Variants in RICTOR observed in about 807,000 individuals in gnomAD.
The protein encoded by RICTOR is RPTOR independent companion of MTOR complex 2.
A neutral mutation model predicts 214.9 loss-of-function variants in RICTOR; 49 were observed. The ratio of observed to expected loss-of-function variants is 0.23; its 90% CI spans 0.18 to 0.29. The LOEUF (loss-of-function observed/expected upper bound fraction) is 0.29, where lower values mean the gene tolerates loss of function less well. Ranked by LOEUF, RICTOR falls within the 10% of genes least tolerant of loss-of-function variation. RICTOR has a pLI of 1.00. For synonymous variants in RICTOR, 717 were observed against 711.3 expected, an observed-to-expected ratio of 1.01 and a Z score of -0.13; for missense variants, 1,625 against 2,047.0, an observed-to-expected ratio of 0.79 and a Z score of 3.98.
At chr5:39,028,428 C>T (rs1291259626) in intron 2 of RICTOR, among the ~76,000 whole-genome samples, 4 of 152,010 alleles carry the variant, frequency 2.6e-5, no homozygotes, top group South Asian at 2.1e-4. Context: ...GTGATCCGCC[C>T]GCCTCGGCCT....
rs1262068343 is a variant in RICTOR, at chr5:38,949,436, A to T, written c.4136+276T>A. The T allele has an allele frequency of 1.8e-5, 29 of 1,580,414 alleles. No homozygotes were observed. The Admixed American group carries it at 5.1e-4, about 28-fold the overall frequency. On this transcript the variant is annotated intron_variant, in intron 31 of 37. Coordinates refer to ENST00000357387, the MANE Select transcript of RICTOR (RefSeq NM_152756.5). ...TCTTTTTAAAATCGATCCTTGCAGA[A>T]GCGAGAAATAAATAAAAAAAAGCTT...
At chr5:38,962,220 T>C (rs1749856755) in intron 19 of RICTOR, 95 bp downstream of exon 19, 1 of 521,268 alleles carries the variant, frequency 1.9e-6, no homozygotes, top group South Asian at 3.6e-5. Flanking sequence ...AATGTATGTA[T>C]ATGTCTTTAA....
At chr5:39,049,981 C>T (rs1460765407) in intron 2 of RICTOR, among the ~76,000 whole-genome samples, 6 of 152,090 alleles carry the variant, frequency 3.9e-5, no homozygotes, top group Admixed American at 3.3e-4. Flanking sequence ...AACCCAAGGA[C>T]TGACACTTTT....
intron 2 of RICTOR, among the ~76,000 whole-genome samples, chr5:39,053,406 G>A (rs1757976804): frequency 2.0e-5 from 3 of 152,104 alleles, no homozygotes; most frequent in Admixed American, 1.3e-4. Flanking sequence ...GAGGAAAAGA[G>A]TCTAGTGATT....
At chr5:38,995,790 T>C (rs1177079050) in intron 6 of RICTOR, among the ~76,000 whole-genome samples, 1 of 152,174 alleles carries the variant, frequency 6.6e-6, no homozygotes, top group East Asian at 1.9e-4. Flanking sequence ...ATAAAAACCA[T>C]AGATTTTTAA....
chr5:39,019,239 A>G, intron 3 of RICTOR, among the ~76,000 whole-genome samples: 1 of 152,352 alleles, frequency 6.6e-6, no homozygotes, highest in African/African-American at 2.4e-5. Flanking sequence ...TATCCAGCAG[A>G]TACTGCTAAG....
chr5:39,035,302 C>G (rs1756591755), intron 2 of RICTOR, among the ~76,000 whole-genome samples: 1 of 152,086 alleles, frequency 6.6e-6, no homozygotes, highest in African/African-American at 2.4e-5. Context: ...AAAGGACATC[C>G]ACACCAAAAA....
chr5:39,044,170 C>A (rs1757338835), intron 2 of RICTOR, among the ~76,000 whole-genome samples: 1 of 152,074 alleles, frequency 6.6e-6, no homozygotes, highest in South Asian at 2.1e-4. Context: ...ATATACCAAG[C>A]TCTGTTTTGA....
At chr5:39,025,052 T>G (rs189720616) in intron 2 of RICTOR, among the ~76,000 whole-genome samples, 3 of 152,060 alleles carry the variant, frequency 2.0e-5, no homozygotes, top group Non-Finnish European at 4.4e-5. Flanking sequence ...AACTGACAGG[T>G]GATGATAACT....
chr5:38,966,613 A>T, intron 15 of RICTOR, 28 bp downstream of exon 15: 1 of 1,055,148 alleles, frequency 9.5e-7, no homozygotes, highest in Non-Finnish European at 1.5e-6. Context: ...AAGGTATGAA[A>T]CATATAATCA....
At position 38,957,679 on chromosome 5, in the gene RICTOR, T is replaced by C; in HGVS notation, c.2472A>G (p.Val824=). The change falls in exon 25 of 38, where the codon GTA becomes GTG. Residue 824 remains valine (V), a synonymous_variant. Transcript: ENST00000357387. Reference sequence around the variant, plus strand: ...TGTGCCACTTTTCCAATTGTTTTGCTACATAACCTCTTTCATTCAGATAGG... The same window carrying C: ...TGTGCCACTTTTCCAATTGTTTTGCCACATAACCTCTTTCATTCAGATAGG... The part of the protein sequence containing the change: ...GFSYLNERGY[V]AKQLEKWHRE... 5 of 1,587,108 alleles carry C rather than the reference T, an allele frequency of 3.2e-6. No homozygotes were observed. The highest frequency in any genetic ancestry group is 3.4e-6 in the Non-Finnish European group (4 of 1,161,814).
rs543286693 is a variant in RICTOR at position 38,949,358 on chromosome 5, G to C, written c.4136+354C>G. On this transcript the variant is annotated intron_variant, in intron 31 of 37. Coordinates refer to ENST00000357387, the MANE Select transcript of RICTOR (RefSeq NM_152756.5). ...TTTGGAGCCTTAAATTGACCTACCT[G>C]AAAAGGTTGTTTGTTATTGTAGGTC... The C allele has an allele frequency of 1.3e-5, 20 of 1,567,400 alleles. No homozygotes were observed. The South Asian group carries it at 2.4e-4, about 19-fold the overall frequency.
intron 7 of RICTOR, among the ~76,000 whole-genome samples, chr5:38,990,654 T>TATATATCA (rs1399356712): frequency 1.1e-5 from 1 of 89,064 alleles, no homozygotes; most frequent in African/African-American, 3.9e-5. Context: ...ATCAGATATA[T>TATATATCA]GATATATATC....
At chr5:38,994,451 A>AAAAAAAAAAAAG (rs1304761708) in intron 6 of RICTOR, among the ~76,000 whole-genome samples, 1,402 of 101,518 alleles carry the variant, frequency 0.014, 367 homozygotes, top group Non-Finnish European at 0.018. Context: ...AAAAAAAAAA[A>AAAAAAAAAAAAG]AGTGCTTCAG....
chr5:38,982,647 A>T (rs1751813239), intron 7 of RICTOR, among the ~76,000 whole-genome samples: 1 of 152,130 alleles, frequency 6.6e-6, no homozygotes, highest in Non-Finnish European at 1.5e-5. Flanking sequence ...GATGCTTCCC[A>T]AACTAGTTTT....
intron 14 of RICTOR, 63 bp from the exon 15 acceptor site, chr5:38,966,784 C>A: frequency 1.4e-5 from 12 of 862,042 alleles, no homozygotes; most frequent in East Asian, 5.3e-5. Context: ...ATTTATGCAT[C>A]AGATTTATTT....
Position 38,967,445 on chromosome 5 carries a change from T to C in RICTOR, c.1061-18A>G, listed in dbSNP as rs1256671502. The stretch of plus-strand genomic sequence containing the variant: ...CCCTGGATCTAAATTAGTTAAAATA[T>C]GGTAGGGAAAAGATTAGATATCACT... On this transcript the variant is annotated intron_variant, in intron 12 of 37. Transcript: ENST00000357387. 6.4e-7 allele frequency: 1 copy of C among 1,554,472 alleles called. No individual in the cohort carries two copies. Among genetic ancestry groups the C allele is most frequent in the Non-Finnish European group, 8.8e-7 (1 of 1,130,790 alleles).
At position 38,974,928 on chromosome 5, in the gene RICTOR, C is replaced by T. The variant is rs113287520; in HGVS notation, c.889+609G>A. On this transcript the variant is annotated intron_variant, in intron 10 of 37. Coordinates refer to ENST00000357387, the MANE Select transcript of RICTOR (RefSeq NM_152756.5). ...TCCATGCTACCCCTTCACAATAATA[C>T]TAAATCAAGAAGGAAGAAGATAATC... 3.8e-3 allele frequency among the ~76,000 whole-genome samples: 584 copies of T among 152,238 alleles called. 4 individuals are homozygous for T. The highest frequency in any genetic ancestry group is 6.4e-3 in the Non-Finnish European group (433 of 68,012).
At chr5:39,047,969 G>A (rs1403845976) in intron 2 of RICTOR, among the ~76,000 whole-genome samples, 3 of 152,148 alleles carry the variant, frequency 2.0e-5, no homozygotes, top group Non-Finnish European at 4.4e-5. Flanking sequence ...AAACCATATT[G>A]CCCCAGAAAT....
Sources: gnomAD v4.1 joint callset for allele counts (sites outside exome capture counted in the v4.1 genomes callset) on GRCh38, gnomAD v4.1.1 for gene constraint, MANE v1.5 for transcripts, NCBI Gene and HGNC (gene_info 2026-07-23, HGNC 2026-07-21) for gene names.